KCNQ1OT1: variants seen among roughly 807,000 people sequenced by gnomAD.
KCNQ1OT1 encodes the protein KCNQ1 antisense RNA 2 (non-protein coding).
chr11:2,691,038 G>A lies in KCNQ1OT1; in HGVS notation n.8957C>T. 1 of 398,658 alleles carries A rather than the reference G, an allele frequency of 2.5e-6. No individual in the cohort carries two copies. The highest frequency in any genetic ancestry group is 1.3e-4 in the South Asian group (1 of 7,854). The allele number at this position is 398,658 out of a possible 1,614,324, so 24.7% of individuals were successfully genotyped here. A position where few individuals can be genotyped will look rare whatever the true frequency, so the allele number is the denominator to read the frequency against. On this transcript the variant is annotated non_coding_transcript_exon_variant, in exon 1 of 1. Transcript: ENST00000597346. This position sits in a 1 kb window ranked among gnomAD's most constrained non-coding sequence, Gnocchi z 6.4. ...GGTGAACTCTTGGCTCAGGTATCAGGATATGCTGGGTGAGGGAAATAATGG... is the reference window on the plus strand; with the variant it reads ...GGTGAACTCTTGGCTCAGGTATCAGAATATGCTGGGTGAGGGAAATAATGG...
At chr11:2,616,565 A>G (rs1384786504) in exon 1 of KCNQ1OT1, 4 of 397,962 alleles carry the variant, frequency 1.0e-5, no homozygotes, top group African/African-American at 6.2e-5. Flanking sequence ...ACTACATCCC[A>G]TAAGTCTGAG....
At chr11:2,610,395 G>C (rs1164003588) in exon 1 of KCNQ1OT1, 2 of 398,156 alleles carry the variant, frequency 5.0e-6, no homozygotes, top group Admixed American at 8.8e-5. Flanking sequence ...AGGAGAGCAA[G>C]TATATATTTC....
In KCNQ1OT1 at chr11:2,654,187, C is replaced by T. The variant is rs996317641; in HGVS notation, n.45808G>A. 4.0e-5 allele frequency: 16 copies of T among 398,620 alleles called. No homozygotes were observed. The highest frequency in any genetic ancestry group is 1.8e-4 in the Admixed American group (4 of 22,720). The allele number at this position is 398,620 out of a possible 1,614,324, so 24.7% of individuals were successfully genotyped here. On this transcript the variant is annotated non_coding_transcript_exon_variant, in exon 1 of 1. Coordinates refer to ENST00000597346, the Ensembl canonical transcript of KCNQ1OT1. The surrounding 1 kb of genome is among the most constrained non-coding windows in gnomAD (Gnocchi z 6.4). Reference sequence around the variant, plus strand: ...GCAGCTGGCACAGGCTGTGGGGCTGCGGCTCAGCAATGTCACGCAGGGCCT... The same window carrying T: ...GCAGCTGGCACAGGCTGTGGGGCTGTGGCTCAGCAATGTCACGCAGGGCCT...
chr11:2,634,135 A>ATTATT, exon 1 of KCNQ1OT1: 1 of 382,014 alleles, frequency 2.6e-6, no homozygotes, highest in Non-Finnish European at 4.5e-6. Context: ...TGTCTTTGGT[A>ATTATT]TTTTTTTTTT....
At chr11:2,629,643 A>G (rs977228526) in exon 1 of KCNQ1OT1, 4 of 398,530 alleles carry the variant, frequency 1.0e-5, no homozygotes, top group Non-Finnish European at 1.8e-5. Flanking sequence ...GCGTTCATAT[A>G]TGAAAGGATT....
rs1850151015 is a variant in KCNQ1OT1, at chr11:2,669,969, C to T, written n.30026G>A. On this transcript the variant is annotated non_coding_transcript_exon_variant, in exon 1 of 1. Transcript: ENST00000597346. This position sits in a 1 kb window ranked among gnomAD's most constrained non-coding sequence, Gnocchi z 5.6. ...GAGGGAAGGGAAGTCTAGAGGTCCC[C>T]AAGTCACAACCTCAAATCTCGGAAT... The T allele has an allele frequency of 1.5e-5, 6 of 398,570 alleles. No homozygotes were observed. The Admixed American group carries it at 2.6e-4, about 18-fold the overall frequency. The allele number at this position is 398,570 out of a possible 1,614,324, so 24.7% of individuals were successfully genotyped here.
exon 1 of KCNQ1OT1, chr11:2,685,461 G>T (rs1292331646): frequency 7.5e-6 from 3 of 398,644 alleles, no homozygotes; most frequent in Admixed American, 4.4e-5. Flanking sequence ...CAGAAGCCCA[G>T]TGCAACTCCC....
chr11:2,648,982 T>TTTTTTTTTTTTTTTTTTTTTTTTTTTTG (rs1491427590), exon 1 of KCNQ1OT1: 1 of 11,808 alleles, frequency 8.5e-5, no homozygotes, highest in Non-Finnish European at 1.9e-4. Flanking sequence ...TTTCTTTTTC[T>TTTTTTTTTTTTTTTTTTTTTTTTTTTTG]TTTTTTTTTT....
At position 2,663,136 on chromosome 11, in the gene KCNQ1OT1, G is replaced by A. The variant is rs1850000172; in HGVS notation, n.36859C>T. ...TTAAGGGGTAATTATGATCAGACAG[G>A]ACCTGCCCACTGTCTTTCCAGGCCC... is the stretch of plus-strand genomic sequence containing the variant. On this transcript the variant is annotated non_coding_transcript_exon_variant, in exon 1 of 1. Coordinates refer to ENST00000597346, the Ensembl canonical transcript of KCNQ1OT1. The surrounding 1 kb of genome is among the most constrained non-coding windows in gnomAD (Gnocchi z 5.2). The A allele has an allele frequency of 5.0e-6, 2 of 398,602 alleles. No homozygotes were observed. Among genetic ancestry groups the A allele is most frequent in the South Asian group, 2.5e-4 (2 of 7,854 alleles). The allele number at this position is 398,602 out of a possible 1,614,324, so 24.7% of individuals were successfully genotyped here. A position where few individuals can be genotyped will look rare whatever the true frequency, so the allele number is the denominator to read the frequency against.
chr11:2,685,668 C>G (rs1850475527), exon 1 of KCNQ1OT1: 3 of 398,536 alleles, frequency 7.5e-6, no homozygotes, highest in African/African-American at 2.1e-5. Context: ...ACCAGAAGTT[C>G]AGGGGTCCCA....
exon 1 of KCNQ1OT1, chr11:2,636,622 T>C (rs1313565940): frequency 6.6e-6 from 1 of 152,124 alleles, no homozygotes; most frequent in Non-Finnish European, 1.5e-5. Flanking sequence ...TCAATGTTCA[T>C]CAGGGATATT....
At position 2,654,187 on chromosome 11, in the gene KCNQ1OT1, C is replaced by A; in HGVS notation, n.45808G>T. On this transcript the variant is annotated non_coding_transcript_exon_variant, in exon 1 of 1. Coordinates refer to ENST00000597346, the Ensembl canonical transcript of KCNQ1OT1. The surrounding 1 kb of genome is among the most constrained non-coding windows in gnomAD (Gnocchi z 6.4). Reference sequence around the variant, plus strand: ...GCAGCTGGCACAGGCTGTGGGGCTGCGGCTCAGCAATGTCACGCAGGGCCT... The same window carrying A: ...GCAGCTGGCACAGGCTGTGGGGCTGAGGCTCAGCAATGTCACGCAGGGCCT... The A allele has an allele frequency of 2.5e-6, 1 of 398,738 alleles. No homozygotes were observed. Among genetic ancestry groups the A allele is most frequent in the Non-Finnish European group, 4.4e-6 (1 of 226,218 alleles). 24.7% of individuals were successfully genotyped at this position (398,738 alleles called of 1,614,324 possible). A position where few individuals can be genotyped will look rare whatever the true frequency, so the allele number is the denominator to read the frequency against.
chr11:2,699,677 C>T (rs1850753730), exon 1 of KCNQ1OT1: 3 of 354,696 alleles, frequency 8.5e-6, no homozygotes, highest in Admixed American at 4.8e-5. Flanking sequence ...GAGAACCGCG[C>T]CGAAAAGCCC....
At chr11:2,685,181 T>G (rs894168113) in exon 1 of KCNQ1OT1, 3 of 398,536 alleles carry the variant, frequency 7.5e-6, no homozygotes, top group Non-Finnish European at 1.3e-5. Flanking sequence ...CTGCATGGAA[T>G]GCCCCCTTCG....
chr11:2,699,718 GT>G (rs1564862679), exon 1 of KCNQ1OT1: 25 of 285,412 alleles, frequency 8.8e-5, no homozygotes, highest in African/African-American at 1.8e-4. Flanking sequence ...GCGCCGAGGA[GT>G]CCCCGGGGAG....
Position 2,651,960 on chromosome 11 carries a change from G to A in KCNQ1OT1, n.48035C>T. 2.5e-6 allele frequency: 1 copy of A among 398,708 alleles called. No homozygotes were observed. The highest frequency in any genetic ancestry group is 4.4e-6 in the Non-Finnish European group (1 of 226,144). 24.7% of individuals were successfully genotyped at this position (398,708 alleles called of 1,614,324 possible). On this transcript the variant is annotated non_coding_transcript_exon_variant, in exon 1 of 1. Transcript: ENST00000597346. The surrounding 1 kb of genome is among the most constrained non-coding windows in gnomAD (Gnocchi z 6.1). ...CCCTCCTGCAGCCAGCAGCAGTGGGGGAGCCAAGCTGAGTTGATTACTTTT... is the reference window on the plus strand; with the variant it reads ...CCCTCCTGCAGCCAGCAGCAGTGGGAGAGCCAAGCTGAGTTGATTACTTTT...
chr11:2,637,215 T>G (rs1009228301), exon 1 of KCNQ1OT1: 1 of 152,224 alleles, frequency 6.6e-6, no homozygotes, highest in Non-Finnish European at 1.5e-5. Flanking sequence ...ATTTCTTGCC[T>G]TCTGCTAGCT....
rs575359249 is a variant in KCNQ1OT1 at position 2,652,026 on chromosome 11, C to G, written n.47969G>C. The G allele has an allele frequency of 7.5e-6, 3 of 398,654 alleles. No homozygotes were observed. The highest frequency in any genetic ancestry group is 4.1e-5 in the African/African-American group (2 of 48,748). 24.7% of individuals were successfully genotyped at this position (398,654 alleles called of 1,614,324 possible). A position where few individuals can be genotyped will look rare whatever the true frequency, so the allele number is the denominator to read the frequency against. ...CATAATTTTGATGTTGAGCCTCCCC[C>G]CAGTTCTGGGGTGGCTCTGACTGTG... On this transcript the variant is annotated non_coding_transcript_exon_variant, in exon 1 of 1. Transcript: ENST00000597346. The surrounding 1 kb of genome is among the most constrained non-coding windows in gnomAD (Gnocchi z 5.9).
exon 1 of KCNQ1OT1, chr11:2,655,270 C>T: frequency 2.5e-6 from 1 of 398,580 alleles, no homozygotes; most frequent in Non-Finnish European, 4.4e-6. Context: ...TCCTAGAAAA[C>T]AAAATTGTTT....
Sources: allele counts gnomAD v4.1 joint callset, GRCh38; gene constraint gnomAD v4.1.1; non-coding constraint Gnocchi (gnomAD v3.1); transcripts MANE v1.5; gene names NCBI Gene and HGNC (gene_info 2026-07-23, HGNC 2026-07-21).